CDK14: variants seen among roughly 807,000 people sequenced by gnomAD.
CDK14 encodes cyclin dependent kinase 14, also known as cyclin-dependent kinase 14.
In CDK14, 34 loss-of-function variants were observed where a neutral mutation model predicts 60.7. That is an observed-to-expected ratio of 0.56 (90% CI 0.43 to 0.75). CDK14 has a LOEUF of 0.75. Among genes scored for constraint, CDK14 ranks in the 30% least tolerant of loss-of-function variants. The pLI is 0.00. For missense variants in CDK14, 482 were observed against 564.1 expected, an observed-to-expected ratio of 0.85 and a Z score of 1.47; for synonymous variants, 197 against 203.7, an observed-to-expected ratio of 0.97 and a Z score of 0.28.
At chr7:90,710,534 TGCTTTAA>T (rs1432302050) in intron 2 of CDK14, 2 of 985,230 alleles carry the variant, frequency 2.0e-6, no homozygotes, top group East Asian at 2.3e-4. Flanking sequence ...GAAATACACC[TGCTTTAA>T]GTGTGTACTG....
chr7:90,739,810 A>G (rs188646458), intron 3 of CDK14, among the ~76,000 whole-genome samples: 82 of 152,306 alleles, frequency 5.4e-4, no homozygotes, highest in African/African-American at 1.9e-3. Context: ...TATTTTCCCC[A>G]TTGAAGATCA....
In CDK14 at chr7:90,871,790, G is replaced by T. The variant is rs531525555; in HGVS notation, c.639+8521G>T. On this transcript the variant is annotated intron_variant, in intron 6 of 14. Coordinates refer to ENST00000380050, the MANE Select transcript of CDK14 (RefSeq NM_001287135.2). ...TCATTTTGCAGATGAGGAAATTTAG[G>T]CTAAGATGTCAGATACTTCGTGCAT... Among the ~76,000 whole-genome samples, 25 of 152,246 alleles carry T rather than the reference G, an allele frequency of 1.6e-4. No homozygotes were observed. The South Asian group carries it at 5.2e-3, about 32-fold the overall frequency.
intron 2 of CDK14, among the ~76,000 whole-genome samples, chr7:90,692,315 G>A (rs1467124143): frequency 6.6e-6 from 1 of 151,938 alleles, no homozygotes; most frequent in Non-Finnish European, 1.5e-5. Flanking sequence ...TATATTCCAA[G>A]GACTTATTTT....
At chr7:90,933,451 G>A (rs1211878417) in intron 8 of CDK14, among the ~76,000 whole-genome samples, 1 of 152,154 alleles carries the variant, frequency 6.6e-6, no homozygotes, top group Non-Finnish European at 1.5e-5. Context: ...CACTTTGCCT[G>A]TAGTATCTTT....
At chr7:91,010,853 C>G (rs1454021972) in intron 10 of CDK14, among the ~76,000 whole-genome samples, 2 of 129,276 alleles carry the variant, frequency 1.5e-5, no homozygotes, top group African/African-American at 2.9e-5. Flanking sequence ...CCCTCCCTCC[C>G]TCCCTCCCTC....
chr7:90,807,683 G>A (rs1273241282), intron 5 of CDK14, among the ~76,000 whole-genome samples: 1 of 152,180 alleles, frequency 6.6e-6, no homozygotes, highest in Non-Finnish European at 1.5e-5. Flanking sequence ...AAAGGAGGAA[G>A]TCCGAACCCA....
intron 10 of CDK14, among the ~76,000 whole-genome samples, chr7:90,995,757 T>C (rs1795664706): frequency 6.9e-6 from 1 of 144,322 alleles, no homozygotes; most frequent in African/African-American, 2.6e-5. Flanking sequence ...TGTTTGGTTG[T>C]TTTTGCTCTG....
chr7:90,994,164 T>C (rs1795614578), intron 10 of CDK14, among the ~76,000 whole-genome samples: 1 of 151,714 alleles, frequency 6.6e-6, no homozygotes, highest in Admixed American at 6.6e-5. Context: ...GGAGCTTGGC[T>C]GGGCAGCTCT....
intron 5 of CDK14, among the ~76,000 whole-genome samples, chr7:90,827,377 A>G (rs965353195): frequency 2.0e-5 from 3 of 152,196 alleles, no homozygotes; most frequent in Non-Finnish European, 4.4e-5. Context: ...GGTTGCTTCC[A>G]AGTTTTGCCA....
intron 4 of CDK14, among the ~76,000 whole-genome samples, chr7:90,785,786 CAAAAAAA>C (rs34034860): frequency 2.2e-5 from 1 of 45,958 alleles, no homozygotes; most frequent in Non-Finnish European, 3.9e-5. Flanking sequence ...GACTCCGTCT[CAAAAAAA>C]AAAAAAAAAA....
At chr7:90,684,421 A>G (rs1195764113) in intron 2 of CDK14, among the ~76,000 whole-genome samples, 3 of 152,224 alleles carry the variant, frequency 2.0e-5, no homozygotes, top group Non-Finnish European at 2.9e-5. Context: ...GGGCTATATT[A>G]CACATTTGAA....
chr7:90,882,845 G>T (rs760172446), intron 6 of CDK14, among the ~76,000 whole-genome samples: 11 of 152,166 alleles, frequency 7.2e-5, no homozygotes, highest in Non-Finnish European at 1.5e-4. Context: ...AATGACTCCT[G>T]GGTAAATAAT....
At chr7:90,650,956 A>G (rs1457366756) in intron 2 of CDK14, among the ~76,000 whole-genome samples, 3 of 152,132 alleles carry the variant, frequency 2.0e-5, no homozygotes, top group Admixed American at 6.6e-5. Context: ...TTTTGGTTCC[A>G]TATGAAATTT....
chr7:90,672,386 A>G (rs1289593879), intron 2 of CDK14, among the ~76,000 whole-genome samples: 1 of 147,280 alleles, frequency 6.8e-6, no homozygotes, highest in Non-Finnish European at 1.5e-5. Context: ...GGACCTTTTT[A>G]AAAAAACACA....
chr7:90,681,964 T>C (rs1801327038), intron 2 of CDK14, among the ~76,000 whole-genome samples: 1 of 152,216 alleles, frequency 6.6e-6, no homozygotes, highest in South Asian at 2.1e-4. Context: ...TATTTTATAA[T>C]TTATTTTTAT....
chr7:91,172,237 A>C (rs918428186), intron 14 of CDK14, among the ~76,000 whole-genome samples: 1 of 152,120 alleles, frequency 6.6e-6, no homozygotes, highest in Admixed American at 6.5e-5. Context: ...CATATCCATT[A>C]TTTATTATTT....
intron 5 of CDK14, among the ~76,000 whole-genome samples, chr7:90,809,781 A>AG (rs1384516072): frequency 6.6e-6 from 1 of 152,220 alleles, no homozygotes; most frequent in Non-Finnish European, 1.5e-5. Context: ...AAAATGATAA[A>AG]GGGGATATCA....
At chr7:91,135,485 G>A (rs559788708) in intron 14 of CDK14, among the ~76,000 whole-genome samples, 121 of 152,266 alleles carry the variant, frequency 7.9e-4, no homozygotes, top group Non-Finnish European at 1.3e-3. Flanking sequence ...GGGTGAGCCC[G>A]ACAGAGAAAA....
At chr7:90,797,297 T>C (rs992470768) in intron 5 of CDK14, among the ~76,000 whole-genome samples, 4 of 151,864 alleles carry the variant, frequency 2.6e-5, no homozygotes, top group Middle Eastern at 3.2e-3. Flanking sequence ...GATAGTGGTC[T>C]TCTCCCTGTG....
Sources: allele counts gnomAD v4.1 joint callset (sites outside exome capture counted in the v4.1 genomes callset), GRCh38; gene constraint gnomAD v4.1.1; transcripts MANE v1.5; gene names NCBI Gene and HGNC (gene_info 2026-07-23, HGNC 2026-07-21).